The following ATRAID variants were observed in gnomAD, a reference collection of about 807,000 sequenced individuals.
ATRAID encodes the protein all-trans retinoic acid-induced differentiation factor.
A neutral mutation model predicts 28.8 loss-of-function variants in ATRAID; 26 were observed. The observed-to-expected ratio is 0.90, with a 90% CI of 0.66 to 1.25. The LOEUF is 1.25. ATRAID is among the 50% of genes most tolerant of loss of function. The probability of loss-of-function intolerance (pLI) is 0.00; values close to 1 mark genes in which losing one functional copy is unlikely to be tolerated. For missense variants in ATRAID, 308 were observed against 285.9 expected (o/e 1.08, Z -0.56); for synonymous variants, 131 against 108.5 (o/e 1.21, Z -1.29).
intron 2 of ATRAID, 37 bp from the exon 3 acceptor site, chr2:27,215,284 G>A: frequency 6.3e-7 from 1 of 1,599,896 alleles, no homozygotes; most frequent in Non-Finnish European, 8.6e-7. Context: ...AAGAAAAAGA[G>A]GAACACACAG....
At chr2:27,216,345 T>G in intron 5 of ATRAID, 178 bp from the exon 6 acceptor site, 1 of 611,662 alleles carries the variant, frequency 1.6e-6, no homozygotes, top group Non-Finnish European at 2.9e-6. Flanking sequence ...ACAGGGGATA[T>G]GATAGCTTAG....
At position 27,216,895 on chromosome 2, in the gene ATRAID, T is replaced by C; in HGVS notation, c.637T>C (p.Ser213Pro). Residue 213 changes from serine (S) to proline (P), a missense_variant, in exon 7 of 7, where the codon TCC (serine) becomes CCC (proline). Ser to Pro is a moderately conservative substitution (Grantham distance 74). Transcript: ENST00000380171. The part of the protein sequence containing the change: ...FFGILGATTL[S>P]VSILLWATQR... ...CGGGATTCTGGGAGCCACCACTCTATCCGTCTCCATTCTGCTTTGGGCGAC... is the reference window on the plus strand; with the variant it reads ...CGGGATTCTGGGAGCCACCACTCTACCCGTCTCCATTCTGCTTTGGGCGAC... 1.2e-6 allele frequency: 2 copies of C among 1,614,224 alleles called. No individual in the cohort carries two copies. Among genetic ancestry groups the C allele is most frequent in the Non-Finnish European group, 1.7e-6 (2 of 1,180,042 alleles).
In ATRAID at chr2:27,215,511, A is replaced by G. The variant is rs778540246; in HGVS notation, c.331A>G (p.Asn111Asp). 3 of 1,614,246 alleles carry G rather than the reference A, an allele frequency of 1.9e-6. No homozygotes were observed. The highest frequency in any genetic ancestry group is 1.1e-5 in the South Asian group (1 of 91,088). The part of the protein sequence containing the change: ...QANPLKGDLA[N>D]TFRGFTQLQT... Reference sequence around the variant, plus strand: ...AAACCCCCTCAAAGGTGACTTGGCCAACACCTTCCGTGGCTTTACTCAGCT... The same window carrying G: ...AAACCCCCTCAAAGGTGACTTGGCCGACACCTTCCGTGGCTTTACTCAGCT... The change falls in exon 4 of 7, where the codon AAC becomes GAC. Residue 111 changes from asparagine (N) to aspartate (D), a missense_variant. Transcript: ENST00000380171.
At position 27,216,918 on chromosome 2, in the gene ATRAID, G is replaced by T; in HGVS notation, c.660G>T (p.Ala220=). 1 of 1,613,904 alleles carries T rather than the reference G, an allele frequency of 6.2e-7. No homozygotes were observed. Among genetic ancestry groups the T allele is most frequent in the Non-Finnish European group, 8.5e-7 (1 of 1,179,906 alleles). ...TTLSVSILLW[A]TQRRKAKTS The stretch of plus-strand genomic sequence containing the variant: ...TATCCGTCTCCATTCTGCTTTGGGC[G>T]ACCCAGCGCCGAAAAGCCAAGACTT... Residue 220 remains alanine (A), a synonymous_variant, in exon 7 of 7, where the codon GCG becomes GCT. Transcript: ENST00000380171.
At position 27,212,460 on chromosome 2, in the gene ATRAID, T is replaced by G; in HGVS notation, c.92T>G (p.Leu31Arg). Reference protein sequence around the residue: ...LALGVERALALPEICTQCPGS... With the variant: ...LALGVERALARPEICTQCPGS... ...CTGGGCGTGGAAAGGGCTCTGGCGCTACCCGAGGTACAGAAGCAAGTTTGA... is the reference window on the plus strand; with the variant it reads ...CTGGGCGTGGAAAGGGCTCTGGCGCGACCCGAGGTACAGAAGCAAGTTTGA... The change falls in exon 1 of 7, where the codon CTA (leucine) becomes CGA (arginine). Residue 31 changes from leucine (L) to arginine (R), a missense_variant. By Grantham distance (102) the Leu-to-Arg change is moderately radical. Coordinates refer to ENST00000380171, the MANE Select transcript of ATRAID (RefSeq NM_001170795.4). 1 of 1,562,612 alleles carries G rather than the reference T, an allele frequency of 6.4e-7. No homozygotes were observed. The highest frequency in any genetic ancestry group is 8.7e-7 in the Non-Finnish European group (1 of 1,155,486).
In ATRAID at chr2:27,213,201, G is replaced by A. The variant is rs774464640; in HGVS notation, c.124G>A (p.Val42Met). ...PEICTQCPGS[V>M]QNLSKVAFYC... ...GATATGCACCCAATGTCCAGGGAGCGTGCAAAATTTGTCAAAAGTGGCCTT... is the reference window on the plus strand; with the variant it reads ...GATATGCACCCAATGTCCAGGGAGCATGCAAAATTTGTCAAAAGTGGCCTT... Residue 42 changes from valine (V) to methionine (M), a missense_variant, in exon 2 of 7, where the codon GTG becomes ATG. Physicochemically the swap from Val to Met is conservative, Grantham distance 21. Transcript: ENST00000380171. 5.6e-6 allele frequency: 9 copies of A among 1,614,054 alleles called. No individual in the cohort carries two copies. The highest frequency in any genetic ancestry group is 2.2e-5 in the East Asian group (1 of 44,884).
chr2:27,216,764 T>C lies in ATRAID; in HGVS notation c.586-80T>C, dbSNP rs1674856813. 4 of 1,444,140 alleles carry C rather than the reference T, an allele frequency of 2.8e-6. No individual in the cohort carries two copies. In the South Asian group the frequency reaches 4.7e-5, roughly 17 times the overall value. 89.5% of individuals were successfully genotyped at this position (1,444,140 alleles called of 1,614,324 possible). A position where few individuals can be genotyped will look rare whatever the true frequency, so the allele number is the denominator to read the frequency against. ...ATTGCCCTAGACAAAGTGATAGGTATATTAGGAAAGAACTAGGTGTTAGGA... is the reference window on the plus strand; with the variant it reads ...ATTGCCCTAGACAAAGTGATAGGTACATTAGGAAAGAACTAGGTGTTAGGA... On this transcript the variant is annotated intron_variant, in intron 6 of 6. Transcript: ENST00000380171.
In ATRAID at chr2:27,212,075, C is replaced by T; in HGVS notation, c.-294C>T. 1 of 1,280,592 alleles carries T rather than the reference C, an allele frequency of 7.8e-7. No homozygotes were observed. Among genetic ancestry groups the T allele is most frequent in the Non-Finnish European group, 1.0e-6 (1 of 955,762 alleles). 79.3% of individuals were successfully genotyped at this position (1,280,592 alleles called of 1,614,324 possible). A position where few individuals can be genotyped will look rare whatever the true frequency, so the allele number is the denominator to read the frequency against. Reference sequence around the variant, plus strand: ...CGAAGCCGCGACCTCGGCGTCCGGACGCGGGGAACACCGGGCTGAGGGAGT... The same window carrying T: ...CGAAGCCGCGACCTCGGCGTCCGGATGCGGGGAACACCGGGCTGAGGGAGT... On this transcript the variant is annotated 5_prime_UTR_variant, in exon 1 of 7. The change creates a new upstream start codon in the 5' untranslated region. Coordinates refer to ENST00000380171, the MANE Select transcript of ATRAID (RefSeq NM_001170795.4).
Position 27,213,279 on chromosome 2 carries a change from CAG to C in ATRAID, c.204_205del (p.Lys69GlyfsTer39). On this transcript the variant is annotated frameshift_variant, in exon 2 of 7. Transcript: ENST00000380171. LOFTEE classifies it high-confidence loss of function. The stretch of plus-strand genomic sequence containing the variant: ...GCTGCATGCCCGTTGCTGCCTGAAT[CAG>C]AAGGGCACCATCTTGGGGTGAGGGG... ...LMLHARCCLN[Q>X]KGTILGLDLQ... 1 of 1,614,140 alleles carries C rather than the reference CAG, an allele frequency of 6.2e-7. No individual in the cohort carries two copies. Among genetic ancestry groups the C allele is most frequent in the Non-Finnish European group, 8.5e-7 (1 of 1,179,996 alleles).
intron 6 of ATRAID, 73 bp from the exon 7 acceptor site, chr2:27,216,771 A>G (rs1221750652): frequency 1.0e-5 from 15 of 1,472,272 alleles, no homozygotes; most frequent in Admixed American, 5.2e-5. Flanking sequence ...GTATATTAGG[A>G]AAGAACTAGG....
Position 27,215,304 on chromosome 2 carries a change from T to C in ATRAID, c.222-17T>C. The C allele has an allele frequency of 6.2e-7, 1 of 1,612,636 alleles. No homozygotes were observed. The highest frequency in any genetic ancestry group is 8.5e-7 in the Non-Finnish European group (1 of 1,178,678). On this transcript the variant is annotated splice_polypyrimidine_tract_variant and intron_variant, in intron 2 of 6. Transcript: ENST00000380171. ...AAAGAGGAACACACAGTTATATTGA[T>C]TACTTTATTTCCTCAGGCTGGATCT...
intron 1 of ATRAID, 183 bp from the exon 2 acceptor site, chr2:27,212,994 G>A: frequency 1.4e-6 from 1 of 706,976 alleles, no homozygotes; most frequent in East Asian, 2.8e-5. Flanking sequence ...CAGGACTCTG[G>A]AGGAAGAGAT....
At chr2:27,215,821 G>C in intron 5 of ATRAID, 68 bp downstream of exon 5, 1 of 1,573,626 alleles carries the variant, frequency 6.4e-7, no homozygotes, top group South Asian at 1.2e-5. Context: ...CTTTAGATCA[G>C]AAAGACAAAG....
At chr2:27,213,144 T>A in intron 1 of ATRAID, 33 bp from the exon 2 acceptor site, 1 of 1,596,124 alleles carries the variant, frequency 6.3e-7, no homozygotes, top group Middle Eastern at 1.7e-4. Flanking sequence ...GGCTTTTCTT[T>A]CTGGAGTTCT....
chr2:27,214,779 G>A (rs1674759553), intron 2 of ATRAID, among the ~76,000 whole-genome samples: 1 of 152,236 alleles, frequency 6.6e-6, no homozygotes, highest in African/African-American at 2.4e-5. Context: ...TTGAACCCGG[G>A]AGATGGAGGT....
rs1450866719 is a variant in ATRAID, at chr2:27,212,108, C to T, written c.-261C>T. 11 of 1,476,932 alleles carry T rather than the reference C, an allele frequency of 7.4e-6. No individual in the cohort carries two copies. The Admixed American group carries it at 2.4e-4, about 32-fold the overall frequency. 91.5% of individuals were successfully genotyped at this position (1,476,932 alleles called of 1,614,324 possible). On this transcript the variant is annotated 5_prime_UTR_variant, in exon 1 of 7. Coordinates refer to ENST00000380171, the MANE Select transcript of ATRAID (RefSeq NM_001170795.4). ...ACACCGGGCTGAGGGAGTCTGCAGT[C>T]GGCTCCGGGAAGCCGCGCGGCGACG...
chr2:27,215,961 C>G (rs754896261), intron 5 of ATRAID, among the ~76,000 whole-genome samples: 5 of 152,222 alleles, frequency 3.3e-5, no homozygotes, highest in Admixed American at 2.0e-4. Flanking sequence ...TTTGTGTGAG[C>G]AACAAGGCTG....
chr2:27,213,391 A>G lies in ATRAID; in HGVS notation c.221+93A>G, dbSNP rs1008377170. The G allele has an allele frequency of 4.1e-6, 6 of 1,468,812 alleles. No individual in the cohort carries two copies. The African/African-American group carries it at 8.5e-5, about 21-fold the overall frequency. The allele number at this position is 1,468,812 out of a possible 1,614,324, so 91.0% of individuals were successfully genotyped here. A position where few individuals can be genotyped will look rare whatever the true frequency, so the allele number is the denominator to read the frequency against. On this transcript the variant is annotated intron_variant, in intron 2 of 6. Transcript: ENST00000380171. ...ATATTATTTAAAGAATCCACCTATT[A>G]TGGTTTCAGCTGTAATCATCACGCA... is the stretch of plus-strand genomic sequence containing the variant.
At position 27,213,275 on chromosome 2, in the gene ATRAID, G is replaced by A; in HGVS notation, c.198G>A (p.Leu66=). Residue 66 remains leucine, a synonymous_variant, in exon 2 of 7, where the codon CTG becomes CTA. Coordinates refer to ENST00000380171, the MANE Select transcript of ATRAID (RefSeq NM_001170795.4). ...TAATGCTGCATGCCCGTTGCTGCCT[G>A]AATCAGAAGGGCACCATCTTGGGGT... ...RELMLHARCC[L]NQKGTILGLD... 6.2e-7 allele frequency: 1 copy of A among 1,614,106 alleles called. No individual in the cohort carries two copies. The highest frequency in any genetic ancestry group is 8.5e-7 in the Non-Finnish European group (1 of 1,179,990).
Sources: gnomAD v4.1 joint callset for allele counts (sites outside exome capture counted in the v4.1 genomes callset) on GRCh38, gnomAD v4.1.1 for gene constraint, MANE v1.5 for transcripts, NCBI Gene and HGNC (gene_info 2026-07-23, HGNC 2026-07-21) for gene names.